GALNT6: variants seen among roughly 807,000 people sequenced by gnomAD.
GALNT6 encodes polypeptide N-acetylgalactosaminyltransferase 6.
In GALNT6, 51 loss-of-function variants were observed where a neutral mutation model predicts 65.9. The ratio of observed to expected loss-of-function variants is 0.77; its 90% CI spans 0.62 to 0.98. The LOEUF (loss-of-function observed/expected upper bound fraction) is 0.98, where lower values mean the gene tolerates loss of function less well. GALNT6 is among the 50% of genes least tolerant of loss of function. The probability of loss-of-function intolerance (pLI) is 0.00; values close to 1 mark genes in which losing one functional copy is unlikely to be tolerated. For missense variants in GALNT6, 708 were observed against 803.3 expected (o/e 0.88, Z 1.43); for synonymous variants, 323 against 315.1 (o/e 1.02, Z -0.26).
At chr12:51,362,924 C>G (rs1000135512) in intron 6 of GALNT6, among the ~76,000 whole-genome samples, 1 of 151,584 alleles carries the variant, frequency 6.6e-6, no homozygotes, top group African/African-American at 2.4e-5. Context: ...TGTTAAACTC[C>G]TGAGCTCAAG....
At chr12:51,354,556 C>CA (rs1946690864) in intron 11 of GALNT6, 64 bp from the exon 12 acceptor site, 2 of 963,826 alleles carry the variant, frequency 2.1e-6, no homozygotes, top group Non-Finnish European at 3.2e-6. Flanking sequence ...CTACCAGGGA[C>CA]AATGCGATGG....
intron 7 of GALNT6, 118 bp downstream of exon 7, chr12:51,360,603 C>T (rs1946888539): frequency 1.4e-6 from 1 of 695,332 alleles, no homozygotes; most frequent in East Asian, 2.5e-5. Context: ...GGGAAATAGC[C>T]ACCCTTTCTA....
chr12:51,390,639 C>T (rs758148014), intron 2 of GALNT6, among the ~76,000 whole-genome samples: 8 of 152,354 alleles, frequency 5.3e-5, no homozygotes, highest in Non-Finnish European at 1.2e-4. Context: ...GCGCAAAAGT[C>T]CTCGAGGCTC....
chr12:51,377,470 T>A, intron 3 of GALNT6, 103 bp from the exon 4 acceptor site: 1 of 890,708 alleles, frequency 1.1e-6, no homozygotes, highest in Non-Finnish European at 1.8e-6. Context: ...TCCACTCCTC[T>A]GAACCACAGC....
rs762514846 is a variant in GALNT6, at chr12:51,364,193, C to G, written c.977G>C (p.Ser326Thr). ...AAGTGTTTCCCAGCCGAAGGTCAGG[C>G]TCCAGTCAAAGTTGCCTCGGCTATG... ...RVHSRGNFDW[S>T]LTFGWETLPP... Residue 326 changes from serine to threonine, a missense_variant, in exon 6 of 12, where the codon AGC becomes ACC. Ser to Thr is a moderately conservative substitution (Grantham distance 58, BLOSUM62 1). Transcript: ENST00000356317. The G allele has an allele frequency of 2.5e-6, 4 of 1,614,204 alleles. No individual in the cohort carries two copies. The highest frequency in any genetic ancestry group is 1.1e-5 in the South Asian group (1 of 91,086).
intron 5 of GALNT6, among the ~76,000 whole-genome samples, 188 bp downstream of exon 5, chr12:51,365,238 ATGTT>A (rs1417703038): frequency 6.6e-6 from 1 of 152,058 alleles, no homozygotes; most frequent in Non-Finnish European, 1.5e-5. Context: ...TGTTTTAGGG[ATGTT>A]TGTCTTCTTG....
At chr12:51,355,540 G>A (rs1490414688) in intron 11 of GALNT6, among the ~76,000 whole-genome samples, 1 of 152,158 alleles carries the variant, frequency 6.6e-6, no homozygotes, top group Non-Finnish European at 1.5e-5. Flanking sequence ...CACGACCTCA[G>A]CTCACTGCAA....
At chr12:51,355,570 G>C (rs956515292) in intron 11 of GALNT6, among the ~76,000 whole-genome samples, 1 of 152,066 alleles carries the variant, frequency 6.6e-6, no homozygotes, top group Non-Finnish European at 1.5e-5. Flanking sequence ...CCTGGGTTCC[G>C]GCAATTCTCC....
chr12:51,391,146 G>A (rs1163417252), intron 1 of GALNT6, 141 bp downstream of exon 1: 1 of 152,448 alleles, frequency 6.6e-6, no homozygotes, highest in Non-Finnish European at 1.5e-5. Flanking sequence ...AGGGCAGGAG[G>A]AAACCTCTCT....
Position 51,390,243 on chromosome 12 carries a change from A to G in GALNT6, c.-104+607T>C, listed in dbSNP as rs536049459. 2.1e-5 allele frequency among the ~76,000 whole-genome samples: 3 copies of G among 144,518 alleles called. No homozygotes were observed. In the East Asian group the frequency reaches 6.1e-4, roughly 30 times the overall value. The allele number at this position is 144,518 out of a possible 152,430, so 94.8% of individuals were successfully genotyped here. ...AATGGTGCGATCTCAGCTCACTGCAACCTCTGCTTCCCAGGTTCAAACAAT... is the reference window on the plus strand; with the variant it reads ...AATGGTGCGATCTCAGCTCACTGCAGCCTCTGCTTCCCAGGTTCAAACAAT... On this transcript the variant is annotated intron_variant, in intron 2 of 11. Coordinates refer to ENST00000356317, the MANE Select transcript of GALNT6 (RefSeq NM_007210.4).
chr12:51,372,232 C>T (rs1364504618), intron 4 of GALNT6, among the ~76,000 whole-genome samples: 1 of 152,120 alleles, frequency 6.6e-6, no homozygotes, highest in African/African-American at 2.4e-5. Flanking sequence ...GTTTTTGACA[C>T]AGGGTGTCGC....
At chr12:51,383,796 C>T (rs939404202) in intron 2 of GALNT6, among the ~76,000 whole-genome samples, 1 of 152,094 alleles carries the variant, frequency 6.6e-6, no homozygotes, top group African/African-American at 2.4e-5. Context: ...GGAAGAGTCC[C>T]TTAGAAGAGA....
At chr12:51,383,944 T>G (rs1253319470) in intron 2 of GALNT6, among the ~76,000 whole-genome samples, 1 of 152,094 alleles carries the variant, frequency 6.6e-6, no homozygotes. Flanking sequence ...ATAGCTGCTA[T>G]TCTTTGCTAT....
intron 4 of GALNT6, among the ~76,000 whole-genome samples, chr12:51,375,968 C>A (rs1681201341): frequency 6.6e-6 from 1 of 151,968 alleles, no homozygotes; most frequent in South Asian, 2.1e-4. Flanking sequence ...TCAGGTGATT[C>A]TTGTGCCTCA....
rs1213759359 is a variant in GALNT6 at position 51,353,694 on chromosome 12, T to C, written c.*685A>G. 1.3e-5 allele frequency: 2 copies of C among 151,830 alleles called. No individual in the cohort carries two copies. Among genetic ancestry groups the C allele is most frequent in the African/African-American group, 4.8e-5 (2 of 41,256 alleles). 9.4% of individuals were successfully genotyped at this position (151,830 alleles called of 1,614,324 possible). A position where few individuals can be genotyped will look rare whatever the true frequency, so the allele number is the denominator to read the frequency against. ...CAGAATATATCATTTCACTGGACTC[T>C]GCAGGTGCTTTGGATGATCAAGGAA... On this transcript the variant is annotated 3_prime_UTR_variant, in exon 12 of 12. Coordinates refer to ENST00000356317, the MANE Select transcript of GALNT6 (RefSeq NM_007210.4).
chr12:51,373,648 G>C (rs755250514), intron 4 of GALNT6, among the ~76,000 whole-genome samples: 2 of 152,206 alleles, frequency 1.3e-5, no homozygotes, highest in Non-Finnish European at 2.9e-5. Context: ...GAAAGATAAC[G>C]AAAGAACCCA....
At chr12:51,385,202 T>C (rs865858459) in intron 2 of GALNT6, among the ~76,000 whole-genome samples, 20 of 152,252 alleles carry the variant, frequency 1.3e-4, no homozygotes, top group African/African-American at 4.6e-4. Flanking sequence ...CTGCCCAGGC[T>C]GGTCTTCAAC....
At position 51,351,712 on chromosome 12, in the gene GALNT6, G is replaced by A. The variant is rs1946617353; in HGVS notation, c.*2667C>T. ...CTCGTTTGACGTCTCACGTCTCCAC[G>A]TGCTTGACACAATACATAAGCTAGA... is the stretch of plus-strand genomic sequence containing the variant. On this transcript the variant is annotated 3_prime_UTR_variant, in exon 12 of 12. Transcript: ENST00000356317. 2 of 152,142 alleles carry A rather than the reference G, an allele frequency of 1.3e-5. No individual in the cohort carries two copies. Among genetic ancestry groups the A allele is most frequent in the African/African-American group, 4.8e-5 (2 of 41,430 alleles). 9.4% of individuals were successfully genotyped at this position (152,142 alleles called of 1,614,324 possible).
At chr12:51,370,160 A>G (rs945064860) in intron 4 of GALNT6, among the ~76,000 whole-genome samples, 3 of 152,274 alleles carry the variant, frequency 2.0e-5, no homozygotes, top group Non-Finnish European at 2.9e-5. Flanking sequence ...CACGATAGCC[A>G]AAGGCAGAAA....
Sources: gnomAD v4.1 joint callset for allele counts (sites outside exome capture counted in the v4.1 genomes callset) on GRCh38, gnomAD v4.1.1 for gene constraint, MANE v1.5 for transcripts, NCBI Gene and HGNC (gene_info 2026-07-23, HGNC 2026-07-21) for gene names.